SPIDR: variants seen among roughly 807,000 people sequenced by gnomAD.
SPIDR encodes DNA repair-scaffolding protein.
In SPIDR, 93 loss-of-function variants were observed where a neutral mutation model predicts 104.6. That is an observed-to-expected ratio of 0.89 (90% CI 0.75 to 1.06). The LOEUF (loss-of-function observed/expected upper bound fraction) is 1.06. Among genes scored for constraint, SPIDR ranks in the 50% least tolerant of loss-of-function variants. The probability of loss-of-function intolerance (pLI) is 0.00; values close to 1 mark genes in which losing one functional copy is unlikely to be tolerated. For synonymous variants in SPIDR, 431 were observed against 416.9 expected (o/e 1.03, Z -0.41); for missense variants, 1,154 against 1,111.2 (o/e 1.04, Z -0.55).
At chr8:47,712,205 A>G (rs1177148970) in intron 14 of SPIDR, among the ~76,000 whole-genome samples, 2 of 152,252 alleles carry the variant, frequency 1.3e-5, no homozygotes, top group African/African-American at 4.8e-5. Flanking sequence ...TGCAGATGCA[A>G]CAAATATGCG....
intron 8 of SPIDR, among the ~76,000 whole-genome samples, chr8:47,520,962 C>G (rs992128116): frequency 1.3e-5 from 2 of 152,202 alleles, no homozygotes; most frequent in African/African-American, 4.8e-5. Flanking sequence ...TCCTGCTGCT[C>G]CATATGGCAT....
chr8:47,550,427 C>T (rs1020190230), intron 8 of SPIDR, among the ~76,000 whole-genome samples: 1 of 152,150 alleles, frequency 6.6e-6, no homozygotes, highest in African/African-American at 2.4e-5. Context: ...TTGTTTGTGT[C>T]CTCTTTTATT....
intron 5 of SPIDR, among the ~76,000 whole-genome samples, chr8:47,366,449 C>G (rs1554634590): frequency 6.6e-6 from 1 of 151,958 alleles, no homozygotes; most frequent in Non-Finnish European, 1.5e-5. Flanking sequence ...TGTGCACAGA[C>G]AGAAAGAACA....
chr8:47,338,530 T>G (rs1186853150), intron 5 of SPIDR, among the ~76,000 whole-genome samples: 1 of 152,172 alleles, frequency 6.6e-6, no homozygotes, highest in Non-Finnish European at 1.5e-5. Context: ...TGAGCAATAC[T>G]AGTGTTGTTG....
Position 47,654,309 on chromosome 8 carries a change from C to G in SPIDR, c.1545-19492C>G, listed in dbSNP as rs982837299. Among the ~76,000 whole-genome samples the G allele has an allele frequency of 2.6e-5, 4 of 152,206 alleles. No homozygotes were observed. In the East Asian group the frequency reaches 5.8e-4, roughly 22 times the overall value. ...GGAAGGGCCACAAGCAAGGCAAGAC[C>G]GTGACAATGGGGATGAGGAGGAGAA... On this transcript the variant is annotated intron_variant, in intron 10 of 19. Coordinates refer to ENST00000297423, the MANE Select transcript of SPIDR (RefSeq NM_001080394.4).
At chr8:47,385,840 C>G (rs1237937483) in intron 5 of SPIDR, among the ~76,000 whole-genome samples, 1 of 152,054 alleles carries the variant, frequency 6.6e-6, no homozygotes, top group African/African-American at 2.4e-5. Flanking sequence ...AGTTTGCTCT[C>G]TTTTAAATGT....
intron 7 of SPIDR, among the ~76,000 whole-genome samples, chr8:47,412,199 T>A (rs2063629586): frequency 1.3e-5 from 2 of 152,188 alleles, no homozygotes; most frequent in Non-Finnish European, 2.9e-5. Context: ...AAGAAAGTCA[T>A]TGGTAGCTTG....
chr8:47,413,038 A>T (rs1245426147), intron 7 of SPIDR, among the ~76,000 whole-genome samples: 4 of 152,180 alleles, frequency 2.6e-5, no homozygotes, highest in Non-Finnish European at 2.9e-5. Context: ...TTTCAACTGG[A>T]TATAAATATT....
chr8:47,282,016 A>G (rs2037892505), intron 2 of SPIDR, among the ~76,000 whole-genome samples: 1 of 152,248 alleles, frequency 6.6e-6, no homozygotes, highest in Admixed American at 6.5e-5. Flanking sequence ...GTACTTCTCC[A>G]TCATAGCTCT....
At chr8:47,592,489 A>C in intron 8 of SPIDR, 2 of 1,424,744 alleles carry the variant, frequency 1.4e-6, no homozygotes, top group Non-Finnish European at 2.0e-6. Flanking sequence ...CCTGAGAGCC[A>C]GCAATGACCA....
intron 11 of SPIDR, 79 bp from the exon 12 acceptor site, chr8:47,700,324 A>G (rs1009534857): frequency 5.6e-6 from 8 of 1,416,978 alleles, no homozygotes; most frequent in Non-Finnish European, 8.0e-6. Flanking sequence ...AGAGTCTGTT[A>G]AGCATTCTAC....
intron 5 of SPIDR, among the ~76,000 whole-genome samples, chr8:47,303,246 G>C (rs782322175): frequency 6.6e-6 from 1 of 152,240 alleles, no homozygotes; most frequent in African/African-American, 2.4e-5. Context: ...CTCCGAACCA[G>C]TTGTGGGATA....
intron 5 of SPIDR, among the ~76,000 whole-genome samples, chr8:47,310,897 T>G (rs1554584644): frequency 6.6e-6 from 1 of 152,104 alleles, no homozygotes; most frequent in Admixed American, 6.5e-5. Context: ...TTTCTAAAAA[T>G]GTACTATGCA....
intron 10 of SPIDR, among the ~76,000 whole-genome samples, chr8:47,602,525 T>C (rs1326794693): frequency 1.3e-5 from 2 of 152,226 alleles, no homozygotes; most frequent in South Asian, 2.1e-4. Flanking sequence ...CGGTGTCTTA[T>C]GGCAGATTTG....
intron 7 of SPIDR, among the ~76,000 whole-genome samples, chr8:47,412,424 A>G (rs1554672405): frequency 6.6e-6 from 1 of 152,216 alleles, no homozygotes; most frequent in Non-Finnish European, 1.5e-5. Context: ...TTGGTTGGAA[A>G]GGCTGGCGGT....
rs1589442901 is a variant in SPIDR at position 47,713,516 on chromosome 8, T to A, written c.2216T>A (p.Val739Asp). The change falls in exon 16 of 20, where the codon GTC becomes GAC. Residue 739 changes from valine to aspartate, a missense_variant. Coordinates refer to ENST00000297423, the MANE Select transcript of SPIDR (RefSeq NM_001080394.4). ...CGGATTGTTTGTGCTGAACGAACTG[T>A]CCTCTTGCTTCAGAAGCCCCTTTTG... ...QGRIVCAERT[V>D]LLLQKPLLSV... The A allele has an allele frequency of 6.8e-6, 11 of 1,614,186 alleles. No homozygotes were observed. In the East Asian group the frequency reaches 2.5e-4, roughly 36 times the overall value.
At chr8:47,342,877 T>TCC in intron 5 of SPIDR, among the ~76,000 whole-genome samples, 1 of 152,194 alleles carries the variant, frequency 6.6e-6, no homozygotes, top group East Asian at 1.9e-4. Flanking sequence ...AGCAGATATT[T>TCC]CAGAATATGT....
intron 3 of SPIDR, among the ~76,000 whole-genome samples, chr8:47,284,769 T>C (rs972219571): frequency 6.6e-5 from 10 of 152,194 alleles, no homozygotes; most frequent in Non-Finnish European, 1.5e-4. Flanking sequence ...TCCCAGTACC[T>C]CTACCTTTGA....
chr8:47,613,825 T>A (rs187592377), intron 10 of SPIDR, among the ~76,000 whole-genome samples: 1 of 152,320 alleles, frequency 6.6e-6, no homozygotes, highest in African/African-American at 2.4e-5. Context: ...AATTATATTG[T>A]ATTTTTATTG....
Sources: allele counts gnomAD v4.1 joint callset (sites outside exome capture counted in the v4.1 genomes callset), GRCh38; gene constraint gnomAD v4.1.1; transcripts MANE v1.5; gene names NCBI Gene and HGNC (gene_info 2026-07-23, HGNC 2026-07-21).